The following ASB4 variants were observed in gnomAD, a reference collection of about 807,000 sequenced individuals.
ASB4 encodes the protein ankyrin repeat and SOCS box containing 4.
A neutral mutation model predicts 38.6 loss-of-function variants in ASB4; 35 were observed. The observed-to-expected ratio is 0.91, with a 90% confidence interval of 0.69 to 1.20. ASB4 has a LOEUF of 1.20. Ranked by LOEUF, ASB4 falls within the 50% of genes most tolerant of loss-of-function variation. The pLI is 0.00. For missense variants in ASB4, 557 were observed against 527.2 expected, an observed-to-expected ratio of 1.06 and a Z score of -0.55; for synonymous variants, 195 against 201.3, an observed-to-expected ratio of 0.97 and a Z score of 0.26.
intron 3 of ASB4, among the ~76,000 whole-genome samples, chr7:95,530,231 C>T (rs1562821911): frequency 2.0e-5 from 3 of 151,668 alleles, no homozygotes; most frequent in East Asian, 1.9e-4. Flanking sequence ...GAGGCTGAGG[C>T]GGGCGGATTG....
chr7:95,541,567 C>A (rs1346449472), downstream of ASB4, among the ~76,000 whole-genome samples: 1 of 152,088 alleles, frequency 6.6e-6, no homozygotes, highest in East Asian at 1.9e-4. Flanking sequence ...CCTTCCTGGG[C>A]TTTTTTGAGA....
intron 2 of ASB4, among the ~76,000 whole-genome samples, chr7:95,522,840 A>C (rs1174286862): frequency 6.6e-6 from 1 of 152,176 alleles, no homozygotes; most frequent in Non-Finnish European, 1.5e-5. Context: ...ATGCAGAGAA[A>C]ATTTAATTTT....
intron 3 of ASB4, among the ~76,000 whole-genome samples, chr7:95,533,875 C>T (rs1385045579): frequency 1.3e-5 from 2 of 152,184 alleles, no homozygotes; most frequent in African/African-American, 4.8e-5. Context: ...TTCCCTTCTT[C>T]CTCTCTCGTG....
intron 1 of ASB4, 80 bp downstream of exon 1, chr7:95,486,238 CAGT>C: frequency 9.2e-7 from 1 of 1,089,672 alleles, no homozygotes; most frequent in Non-Finnish European, 1.3e-6. Context: ...CCACTCTAAA[CAGT>C]AGTTTTTATT....
At position 95,532,212 on chromosome 7, in the gene ASB4, G is replaced by A. The variant is rs530091482; in HGVS notation, c.978+3909G>A. ...CCAGAAGATAAAGTGATTCGTTCTT[G>A]TGTGGATGGGGAATTCAGTTTCCTT... On this transcript the variant is annotated intron_variant, in intron 3 of 4. Transcript: ENST00000325885. 2.6e-5 allele frequency among the ~76,000 whole-genome samples: 4 copies of A among 152,314 alleles called. No individual in the cohort carries two copies. The East Asian group carries it at 5.8e-4, about 22-fold the overall frequency.
intron 2 of ASB4, among the ~76,000 whole-genome samples, chr7:95,507,219 T>G (rs934262683): frequency 6.7e-6 from 1 of 148,372 alleles, no homozygotes; most frequent in Non-Finnish European, 1.5e-5. Context: ...TCTTATGAAT[T>G]TTTTTTTCCT....
chr7:95,536,900 A>G (rs1790896882), intron 4 of ASB4, among the ~76,000 whole-genome samples: 1 of 151,894 alleles, frequency 6.6e-6, no homozygotes, highest in Non-Finnish European at 1.5e-5. Context: ...TGTGTAGATT[A>G]TTTCATTTAC....
At chr7:95,529,018 A>G (rs971852951) in intron 3 of ASB4, among the ~76,000 whole-genome samples, 6 of 152,146 alleles carry the variant, frequency 3.9e-5, no homozygotes, top group African/African-American at 1.4e-4. Flanking sequence ...ATAATCTCAA[A>G]CAGGCTGGTA....
At chr7:95,531,855 G>T (rs1790823756) in intron 3 of ASB4, among the ~76,000 whole-genome samples, 1 of 152,158 alleles carries the variant, frequency 6.6e-6, no homozygotes, top group African/African-American at 2.4e-5. Flanking sequence ...AGCCTGTAAA[G>T]TAGGCATACA....
intron 4 of ASB4, 82 bp downstream of exon 4, chr7:95,536,632 A>G: frequency 9.5e-7 from 1 of 1,055,632 alleles, no homozygotes; most frequent in Admixed American, 2.4e-5. Context: ...TTGTAACAAA[A>G]AAGTTGGTTT....
intron 2 of ASB4, among the ~76,000 whole-genome samples, chr7:95,497,335 A>G (rs1036742870): frequency 3.9e-5 from 6 of 152,124 alleles, no homozygotes; most frequent in Admixed American, 2.0e-4. Context: ...TCAGATAGGA[A>G]GTTTAGGAGA....
chr7:95,534,505 T>C (rs1790862072), intron 3 of ASB4, among the ~76,000 whole-genome samples: 1 of 152,072 alleles, frequency 6.6e-6, no homozygotes, highest in Non-Finnish European at 1.5e-5. Context: ...AGCCCTATAC[T>C]TGTTTCTTCT....
chr7:95,485,851 C>T (rs1416087839), upstream of ASB4: 15 of 779,616 alleles, frequency 1.9e-5, no homozygotes, highest in East Asian at 1.6e-4. Flanking sequence ...ATAAATAGAA[C>T]GGATCAGCAT....
intron 2 of ASB4, among the ~76,000 whole-genome samples, chr7:95,513,141 C>T (rs989504783): frequency 2.6e-5 from 4 of 151,170 alleles, no homozygotes; most frequent in African/African-American, 9.8e-5. Context: ...GCCATGGTCA[C>T]GAAATGTGGG....
chr7:95,504,241 TAAA>T (rs1790378453), intron 2 of ASB4, among the ~76,000 whole-genome samples: 1 of 152,174 alleles, frequency 6.6e-6, no homozygotes, highest in Non-Finnish European at 1.5e-5. Context: ...AGGAAAGCCA[TAAA>T]AATTCAAATG....
chr7:95,483,476 T>G (rs1267237276), upstream of ASB4, among the ~76,000 whole-genome samples: 2 of 152,224 alleles, frequency 1.3e-5, no homozygotes, highest in Non-Finnish European at 2.9e-5. Flanking sequence ...TGCTAAATAT[T>G]TGGATCAGAT....
intron 1 of ASB4, among the ~76,000 whole-genome samples, chr7:95,491,605 A>G (rs990987956): frequency 3.3e-5 from 5 of 152,232 alleles, no homozygotes; most frequent in Admixed American, 1.3e-4. Context: ...AATCTGCCTC[A>G]TCAGTTAATT....
chr7:95,478,339 A>G (rs1490708527), upstream of ASB4: 1 of 152,202 alleles, frequency 6.6e-6, no homozygotes, highest in Non-Finnish European at 1.5e-5. Context: ...CGGCGTGTAA[A>G]TGCAGGTCAG....
chr7:95,481,503 T>G (rs947817163), upstream of ASB4, among the ~76,000 whole-genome samples: 5 of 152,190 alleles, frequency 3.3e-5, no homozygotes, highest in African/African-American at 1.2e-4. Flanking sequence ...GCTGAGAAAG[T>G]CAGGAGGCCC....
Sources: gnomAD v4.1 joint callset for allele counts (sites outside exome capture counted in the v4.1 genomes callset) on GRCh38, gnomAD v4.1.1 for gene constraint, MANE v1.5 for transcripts, NCBI Gene and HGNC (gene_info 2026-07-23, HGNC 2026-07-21) for gene names.